PHACTR2: variants seen among roughly 807,000 people sequenced by gnomAD.
The protein encoded by PHACTR2 is chromosome 6 open reading frame 56.
PHACTR2 carries 30 observed loss-of-function variants against 76.0 expected under a neutral mutation model. The ratio of observed to expected loss-of-function variants is 0.39; its 90% CI spans 0.30 to 0.54. The LOEUF (loss-of-function observed/expected upper bound fraction) is 0.54, where lower values mean the gene tolerates loss of function less well. Ranked by LOEUF, PHACTR2 falls within the 20% of genes least tolerant of loss-of-function variation. The probability of loss-of-function intolerance (pLI) is 0.61; values close to 1 mark genes in which losing one functional copy is unlikely to be tolerated. For missense variants in PHACTR2, 696 were observed against 781.1 expected, an observed-to-expected ratio of 0.89 and a Z score of 1.30; for synonymous variants, 292 against 292.5, an observed-to-expected ratio of 1.00 and a Z score of 0.02.
At chr6:143,637,202 C>T (rs571944416) in intron 1 of PHACTR2, among the ~76,000 whole-genome samples, 18 of 151,996 alleles carry the variant, frequency 1.2e-4, no homozygotes, top group Non-Finnish European at 2.1e-4. Context: ...GTGCCTTGCT[C>T]CCTTGTTTTT....
At chr6:143,768,658 C>T (rs1021019482) in intron 6 of PHACTR2, among the ~76,000 whole-genome samples, 4 of 152,150 alleles carry the variant, frequency 2.6e-5, no homozygotes, top group African/African-American at 9.7e-5. Context: ...TAATATCAGT[C>T]TTCATCTCAA....
Position 143,648,029 on chromosome 6 carries a change from G to A in PHACTR2, c.13+39707G>A, listed in dbSNP as rs769022139. ...AGCAGGTAGGATCCTGCCGTGACCCGAGAGAGATGTATGGCTGCGACAGAG... is the reference window on the plus strand; with the variant it reads ...AGCAGGTAGGATCCTGCCGTGACCCAAGAGAGATGTATGGCTGCGACAGAG... On this transcript the variant is annotated intron_variant, in intron 1 of 11. Coordinates refer to the PHACTR2 transcript ENST00000305766. The surrounding 1 kb of genome is among the most constrained non-coding windows in gnomAD (Gnocchi z 6.7). 3.9e-5 allele frequency among the ~76,000 whole-genome samples: 6 copies of A among 152,172 alleles called. No individual in the cohort carries two copies. Among genetic ancestry groups the A allele is most frequent in the African/African-American group, 9.7e-5 (4 of 41,446 alleles).
chr6:143,578,388 T>C lies in PHACTR2; in HGVS notation c.217+41181T>C, dbSNP rs1775535951. Among the ~76,000 whole-genome samples, 1 of 152,114 alleles carries C rather than the reference T, an allele frequency of 6.6e-6. No individual in the cohort carries two copies. Among genetic ancestry groups the C allele is most frequent in the South Asian group, 2.1e-4 (1 of 4,822 alleles). Reference sequence around the variant, plus strand: ...CAGGGGAGGCCAGAAGTCAAGAGAATAGATACGTGGCATTAGGCTTTCCCC... The same window carrying C: ...CAGGGGAGGCCAGAAGTCAAGAGAACAGATACGTGGCATTAGGCTTTCCCC... On this transcript the variant is annotated intron_variant, in intron 1 of 11. Coordinates refer to the PHACTR2 transcript ENST00000367584. This position sits in a 1 kb window ranked among gnomAD's most constrained non-coding sequence, Gnocchi z 4.5.
At position 143,700,696 on chromosome 6, in the gene PHACTR2, T is replaced by C. The variant is rs115467708; in HGVS notation, c.47-11320T>C. 5.4e-3 allele frequency among the ~76,000 whole-genome samples: 816 copies of C among 152,374 alleles called. 10 individuals are homozygous for C. The highest frequency in any genetic ancestry group is 0.018 in the African/African-American group (768 of 41,592). ...TTCCCAGCATGAACAGGGTGATCAT[T>C]ATCCTATCATGGATGAGTTGAAATT... is the stretch of plus-strand genomic sequence containing the variant. On this transcript the variant is annotated intron_variant, in intron 1 of 12. Coordinates refer to ENST00000440869, the MANE Select transcript of PHACTR2 (RefSeq NM_001100164.2). This position sits in a 1 kb window ranked among gnomAD's most constrained non-coding sequence, Gnocchi z 4.1.
intron 4 of PHACTR2, among the ~76,000 whole-genome samples, chr6:143,758,460 G>A (rs1024830121): frequency 1.3e-5 from 2 of 152,154 alleles, no homozygotes; most frequent in Non-Finnish European, 1.5e-5. Context: ...GGAAATTAAT[G>A]TATATTTATA....
rs1776146926 is a variant in PHACTR2 at position 143,621,207 on chromosome 6, A to T, written c.13+12885A>T. Among the ~76,000 whole-genome samples the T allele has an allele frequency of 6.6e-6, 1 of 152,160 alleles. No individual in the cohort carries two copies. The highest frequency in any genetic ancestry group is 2.4e-5 in the African/African-American group (1 of 41,444). On this transcript the variant is annotated intron_variant, in intron 1 of 11. Transcript: ENST00000305766. This position sits in a 1 kb window ranked among gnomAD's most constrained non-coding sequence, Gnocchi z 4.1. ...GAATGTGGACAGATTATAGGGAGAGACCAAGGTAGACACCTGGCTTATGAA... is the reference window on the plus strand; with the variant it reads ...GAATGTGGACAGATTATAGGGAGAGTCCAAGGTAGACACCTGGCTTATGAA...
chr6:143,704,653 G>T (rs1778004171), intron 1 of PHACTR2, among the ~76,000 whole-genome samples: 1 of 152,134 alleles, frequency 6.6e-6, no homozygotes, highest in Admixed American at 6.5e-5. Context: ...TACTATTCCT[G>T]TTAACTAAAC....
At chr6:143,719,837 CAG>C (rs1177780053) in intron 2 of PHACTR2, among the ~76,000 whole-genome samples, 3 of 75,532 alleles carry the variant, frequency 4.0e-5, no homozygotes, top group African/African-American at 1.9e-4. Flanking sequence ...TTTTTTGAGA[CAG>C]AGTCTCACTC....
At chr6:143,704,878 G>C (rs1292833832) in intron 1 of PHACTR2, among the ~76,000 whole-genome samples, 2 of 152,186 alleles carry the variant, frequency 1.3e-5, no homozygotes, top group African/African-American at 4.8e-5. Flanking sequence ...GCCCAGGCTG[G>C]AGTGCAGTGG....
rs998545531 is a variant in PHACTR2, at chr6:143,627,753, C to T, written c.13+19431C>T. On this transcript the variant is annotated intron_variant, in intron 1 of 11. Transcript: ENST00000305766. The surrounding 1 kb of genome is among the most constrained non-coding windows in gnomAD (Gnocchi z 4.3). ...AGTAGCTGGGACTACAGGCTCGTAC[C>T]GCCACGCCCAGCTAATTTTTTGTAT... Among the ~76,000 whole-genome samples the T allele has an allele frequency of 3.5e-4, 53 of 152,184 alleles. No homozygotes were observed. Among genetic ancestry groups the T allele is most frequent in the African/African-American group, 1.2e-3 (50 of 41,534 alleles).
Position 143,806,971 on chromosome 6 carries a change from AAG to A in PHACTR2, c.1846-85_1846-84del. The A allele has an allele frequency of 4.5e-6, 3 of 660,810 alleles. No homozygotes were observed. The highest frequency in any genetic ancestry group is 5.2e-6 in the Non-Finnish European group (2 of 388,124). 40.9% of individuals were successfully genotyped at this position (660,810 alleles called of 1,614,324 possible). On this transcript the variant is annotated intron_variant, in intron 11 of 12. Coordinates refer to ENST00000440869, the MANE Select transcript of PHACTR2 (RefSeq NM_001100164.2). The surrounding 1 kb of genome is among the most constrained non-coding windows in gnomAD (Gnocchi z 5.8). ...GACTCTATCTCTTAAAAAAAAAAAA[AAG>A]GTCTGCTTCATTGATGCTGTATATA...
Position 143,639,172 on chromosome 6 carries a change from T to A in PHACTR2, c.13+30850T>A, listed in dbSNP as rs546375411. On this transcript the variant is annotated intron_variant, in intron 1 of 11. Transcript: ENST00000305766. The surrounding 1 kb of genome is among the most constrained non-coding windows in gnomAD (Gnocchi z 5.0). ...TTTTTGAATCATTACATCTTTCTGC[T>A]TTCATGAGCCACCAATGACATGCTT... Among the ~76,000 whole-genome samples, 42 of 152,382 alleles carry A rather than the reference T, an allele frequency of 2.8e-4. No individual in the cohort carries two copies. Among genetic ancestry groups the A allele is most frequent in the African/African-American group, 1.0e-3 (42 of 41,598 alleles).
In PHACTR2 at chr6:143,667,533, T is replaced by A. The variant is rs942945547; in HGVS notation, c.14-44483T>A. ...CATGGAATGCTTTTCCATTTGTTTG[T>A]GTCCTCTCTTATTTCCTTGAGCAGT... On this transcript the variant is annotated intron_variant, in intron 1 of 11. Transcript: ENST00000305766. 5.9e-5 allele frequency among the ~76,000 whole-genome samples: 9 copies of A among 152,218 alleles called. No homozygotes were observed. The East Asian group carries it at 1.7e-3, about 29-fold the overall frequency.
upstream of PHACTR2, chr6:143,677,926 C>A (rs928084611): frequency 6.0e-5 from 60 of 997,796 alleles, no homozygotes; most frequent in Non-Finnish European, 7.5e-5. Context: ...TCCCCCGTGA[C>A]CCCTGACCCC....
At chr6:143,555,569 A>G (rs1245158044) in intron 1 of PHACTR2, among the ~76,000 whole-genome samples, 4 of 152,222 alleles carry the variant, frequency 2.6e-5, no homozygotes, top group Non-Finnish European at 4.4e-5. Context: ...TGATCAACAC[A>G]GAAATATTTT....
intron 1 of PHACTR2, among the ~76,000 whole-genome samples, chr6:143,584,634 T>G (rs949991275): frequency 5.9e-5 from 9 of 152,222 alleles, no homozygotes; most frequent in African/African-American, 1.7e-4. Flanking sequence ...CAAATGTTGG[T>G]CAAGTTCTAC....
rs573690194 is a variant in PHACTR2, at chr6:143,654,880, G to A, written c.13+46558G>A. 8.5e-5 allele frequency among the ~76,000 whole-genome samples: 13 copies of A among 152,142 alleles called. No individual in the cohort carries two copies. The highest frequency in any genetic ancestry group is 3.3e-4 in the Admixed American group (5 of 15,272). On this transcript the variant is annotated intron_variant, in intron 1 of 11. Transcript: ENST00000305766. This position sits in a 1 kb window ranked among gnomAD's most constrained non-coding sequence, Gnocchi z 4.6. ...GACTCTTAAAAACATCATGCTAGCCGGGCACTGTGGCTCACGCCTGTAATC... is the reference window on the plus strand; with the variant it reads ...GACTCTTAAAAACATCATGCTAGCCAGGCACTGTGGCTCACGCCTGTAATC...
chr6:143,771,194 GTATATATATA>G lies in PHACTR2; in HGVS notation c.1233-1032_1233-1023del, dbSNP rs769993035. On this transcript the variant is annotated intron_variant, in intron 6 of 12. Coordinates refer to ENST00000440869, the MANE Select transcript of PHACTR2 (RefSeq NM_001100164.2). ...TATATGTATATATATATATATGTGTGTATATATATATATATATATATATATATATATATAT... is the reference window on the plus strand; with the variant it reads ...TATATGTATATATATATATATGTGTGTATATATATATATATATATATATAT... Among the ~76,000 whole-genome samples, 403 of 40,474 alleles carry G rather than the reference GTATATATATA, an allele frequency of 1.0e-2. 18 individuals carry two copies. The highest frequency in any genetic ancestry group is 0.023 in the African/African-American group (223 of 9,898). The allele number at this position is 40,474 out of a possible 152,430, so 26.6% of individuals were successfully genotyped here.
At chr6:143,649,014 CTG>C (rs1001484178) in intron 1 of PHACTR2, among the ~76,000 whole-genome samples, 4 of 139,726 alleles carry the variant, frequency 2.9e-5, no homozygotes, top group Non-Finnish European at 4.7e-5. Context: ...CTGTGTGTGT[CTG>C]TGTGTCTATG....
Sources: gnomAD v4.1 joint callset for allele counts (sites outside exome capture counted in the v4.1 genomes callset) on GRCh38, gnomAD v4.1.1 for gene constraint, Gnocchi (gnomAD v3.1) non-coding constraint, MANE v1.5 for transcripts, NCBI Gene and HGNC (gene_info 2026-07-23, HGNC 2026-07-21) for gene names.